The following KRT23 variants were observed in gnomAD, a reference collection of about 807,000 sequenced individuals.
KRT23 encodes keratin 23.
In KRT23, 38 loss-of-function variants were observed where a neutral mutation model predicts 47.6. The observed-to-expected ratio is 0.80, with a 90% CI of 0.62 to 1.05. The LOEUF is 1.05. Ranked by LOEUF, KRT23 falls within the 50% of genes least tolerant of loss-of-function variation. The pLI is 0.00. For missense variants in KRT23, 503 were observed against 529.5 expected (o/e 0.95, Z 0.49); for synonymous variants, 191 against 199.0 (o/e 0.96, Z 0.34).
intron 2 of KRT23, among the ~76,000 whole-genome samples, chr17:40,934,971 A>G (rs1439633775): frequency 1.3e-5 from 2 of 151,986 alleles, no homozygotes; most frequent in Admixed American, 6.6e-5. Context: ...AAATTATTTG[A>G]CTGGTTCTAA....
At chr17:40,930,470 T>G (rs1476698442) in intron 3 of KRT23, among the ~76,000 whole-genome samples, 2 of 152,112 alleles carry the variant, frequency 1.3e-5, no homozygotes, top group African/African-American at 2.4e-5. Flanking sequence ...GAAAAATATA[T>G]TTTAAAATAA....
In KRT23 at chr17:40,925,478, G is replaced by C. The variant is rs148318927; in HGVS notation, c.1018C>G (p.Leu340Val). The change falls in exon 7 of 9, where the codon CTG (leucine) becomes GTG (valine). Residue 340 changes from leucine (L) to valine (V), a missense_variant. Transcript: ENST00000209718. ...QEIISHYEEE[L>V]TQLRHELERQ... Reference sequence around the variant, plus strand: ...TCCAGTTCATGGCGTAGCTGCGTCAGTTCCTCCTCATAGTGGGAGATGATC... The same window carrying C: ...TCCAGTTCATGGCGTAGCTGCGTCACTTCCTCCTCATAGTGGGAGATGATC... 58 of 1,614,064 alleles carry C rather than the reference G, an allele frequency of 3.6e-5. No homozygotes were observed. The highest frequency in any genetic ancestry group is 3.3e-4 in the Admixed American group (20 of 59,998).
At chr17:40,927,024 C>T (rs1485649796) in intron 6 of KRT23, among the ~76,000 whole-genome samples, 1 of 152,146 alleles carries the variant, frequency 6.6e-6, no homozygotes, top group Non-Finnish European at 1.5e-5. Flanking sequence ...GTTCCCTCCT[C>T]TTGGAACACA....
At chr17:40,928,884 G>A (rs2143465428) in intron 4 of KRT23, among the ~76,000 whole-genome samples, 1 of 152,062 alleles carries the variant, frequency 6.6e-6, no homozygotes, top group Admixed American at 6.5e-5. Flanking sequence ...AAAATTAACT[G>A]GGTGTGGTTG....
rs755236339 is a variant in KRT23, at chr17:40,936,488, C to T, written c.116G>A (p.Gly39Glu). 2 of 1,564,744 alleles carry T rather than the reference C, an allele frequency of 1.3e-6. No homozygotes were observed. Among genetic ancestry groups the T allele is most frequent in the Admixed American group, 1.8e-5 (1 of 54,142 alleles). Reference sequence around the variant, plus strand: ...GAAGGACAGGGAGATGCGGGCTCCCCCCGCACCGCCATGGACGGTGGGAGC... The same window carrying T: ...GAAGGACAGGGAGATGCGGGCTCCCTCCGCACCGCCATGGACGGTGGGAGC... ...PRAPTVHGGAGGARISLSFTT... is the reference protein window; with the variant it reads ...PRAPTVHGGAEGARISLSFTT... Residue 39 changes from glycine (G) to glutamate (E), a missense_variant, in exon 2 of 9, where the codon GGG becomes GAG. Transcript: ENST00000209718.
chr17:40,928,954 G>A (rs1434614899), intron 4 of KRT23, among the ~76,000 whole-genome samples: 1 of 149,362 alleles, frequency 6.7e-6, no homozygotes, highest in South Asian at 2.1e-4. Flanking sequence ...TTGAACCTGC[G>A]AGGTGGAGGC....
At chr17:40,924,420 C>G in intron 8 of KRT23, 52 bp downstream of exon 8, 3 of 1,445,338 alleles carry the variant, frequency 2.1e-6, no homozygotes, top group South Asian at 1.2e-5. Flanking sequence ...AAATGGATAA[C>G]CATGCTAATT....
chr17:40,934,960 T>C (rs1909952329), intron 2 of KRT23, among the ~76,000 whole-genome samples: 1 of 152,194 alleles, frequency 6.6e-6, no homozygotes, highest in Non-Finnish European at 1.5e-5. Context: ...CGCGAGCTCA[T>C]AAATTATTTG....
intron 2 of KRT23, 107 bp from the exon 3 acceptor site, chr17:40,931,562 C>T (rs1205846582): frequency 1.3e-6 from 1 of 761,346 alleles, no homozygotes; most frequent in Admixed American, 2.1e-5. Flanking sequence ...CTTGTTAGTA[C>T]AGACAACTTC....
chr17:40,925,732 G>A (rs919354451), intron 6 of KRT23, among the ~76,000 whole-genome samples, 158 bp from the exon 7 acceptor site: 1 of 152,202 alleles, frequency 6.6e-6, no homozygotes, highest in African/African-American at 2.4e-5. Context: ...ACAGGTTTGG[G>A]ACTTGGGCAG....
At position 40,936,570 on chromosome 17, in the gene KRT23, AG is replaced by A; in HGVS notation, c.33del (p.Ser12ArgfsTer57). MNSGHSFSQTPSASFHGAGGG... is the reference protein window; with the variant it reads MNSGHSFSQTXSASFHGAGGG... ...CCTCCGGCGCCATGGAAGGAGGCCG[AG>A]GGGGTCTGGCTGAAGCTGTGTCCGG... On this transcript the variant is annotated frameshift_variant, in exon 2 of 9. Coordinates refer to ENST00000209718, the MANE Select transcript of KRT23 (RefSeq NM_015515.5). LOFTEE classifies it high-confidence loss of function. 1 of 1,519,604 alleles carries A rather than the reference AG, an allele frequency of 6.6e-7. No homozygotes were observed. The highest frequency in any genetic ancestry group is 8.8e-7 in the Non-Finnish European group (1 of 1,136,988). The allele number at this position is 1,519,604 out of a possible 1,614,324, so 94.1% of individuals were successfully genotyped here.
At position 40,924,473 on chromosome 17, in the gene KRT23, T is replaced by C. The variant is rs1195563893; in HGVS notation, c.1173A>G (p.Lys391=). ...GTREESKSSM[K]VSATPKIKAI... ...CAAACAATGAAGGAAATTTTTTACC[T>C]TTCATGCTCGACTTTGATTCTTCCC... Residue 391 remains lysine (K), a splice_region_variant and synonymous_variant, in exon 8 of 9, where the codon AAA becomes AAG. Coordinates refer to ENST00000209718, the MANE Select transcript of KRT23 (RefSeq NM_015515.5). 6.2e-7 allele frequency: 1 copy of C among 1,612,766 alleles called. No individual in the cohort carries two copies. The highest frequency in any genetic ancestry group is 1.3e-5 in the African/African-American group (1 of 74,910).
Position 40,928,458 on chromosome 17 carries a change from C to T in KRT23, c.786G>A (p.Trp262Ter). The T allele has an allele frequency of 6.2e-7, 1 of 1,614,112 alleles. No individual in the cohort carries two copies. Among genetic ancestry groups the T allele is most frequent in the Non-Finnish European group, 8.5e-7 (1 of 1,180,016 alleles). The change falls in exon 5 of 9, where the codon TGG becomes TGA. Residue 262 changes from tryptophan to a stop codon, truncating the protein, a stop_gained. Coordinates refer to ENST00000209718, the MANE Select transcript of KRT23 (RefSeq NM_015515.5). LOFTEE classifies it high-confidence loss of function. ...IKKKHRDLDT[W>*]YKEQSAAMSQ... is the part of the protein sequence containing the mutation. ...ATCTTTCTTTTACCTGTTCTTTATA[C>T]CAAGTGTCCAAGTCTCGATGCTTCT...
rs780434610 is a variant in KRT23 at position 40,928,389 on chromosome 17, A to G, written c.799-29T>C. On this transcript the variant is annotated intron_variant, in intron 5 of 8. Coordinates refer to ENST00000209718, the MANE Select transcript of KRT23 (RefSeq NM_015515.5). ...TGGGACCAAGCAAGGCAAAGGCGTC[A>G]GCATTGGGACCTCATGGAAATGCAA... The G allele has an allele frequency of 1.9e-6, 3 of 1,614,202 alleles. No homozygotes were observed. The Admixed American group carries it at 5.0e-5, about 27-fold the overall frequency.
At chr17:40,934,683 C>T (rs1191843672) in intron 2 of KRT23, among the ~76,000 whole-genome samples, 1 of 152,228 alleles carries the variant, frequency 6.6e-6, no homozygotes, top group African/African-American at 2.4e-5. Context: ...ATTTATGAGG[C>T]TACTGGAAAC....
In KRT23 at chr17:40,936,303, C is replaced by G; in HGVS notation, c.301G>C (p.Glu101Gln). The change falls in exon 2 of 9, where the codon GAA (glutamate) becomes CAA (glutamine). Residue 101 changes from glutamate to glutamine, a missense_variant. Physicochemically the swap from Glu to Gln is conservative, Grantham distance 29. Transcript: ENST00000209718. Reference sequence around the variant, plus strand: ...TGGTGCCATTTCAGGATGCGGCTTTCCAGCTTCATGTTGGCCTCCTCCAGG... The same window carrying G: ...TGGTGCCATTTCAGGATGCGGCTTTGCAGCTTCATGTTGGCCTCCTCCAGG... ...RALEEANMKLESRILKWHQQR... is the reference protein window; with the variant it reads ...RALEEANMKLQSRILKWHQQR... The G allele has an allele frequency of 6.2e-7, 1 of 1,614,212 alleles. No homozygotes were observed. Among genetic ancestry groups the G allele is most frequent in the South Asian group, 1.1e-5 (1 of 91,090 alleles).
chr17:40,924,562 C>A, intron 7 of KRT23, 59 bp from the exon 8 acceptor site: 1 of 1,370,900 alleles, frequency 7.3e-7, no homozygotes, highest in Non-Finnish European at 1.0e-6. Flanking sequence ...ATAACAACTT[C>A]TCAGGATGAA....
At chr17:40,928,785 T>A (rs1909416329) in intron 4 of KRT23, 178 bp from the exon 5 acceptor site, 1 of 554,370 alleles carries the variant, frequency 1.8e-6, no homozygotes, top group South Asian at 2.8e-5. Flanking sequence ...CATTGTATAC[T>A]TTTTTCTCTA....
At chr17:40,932,726 G>A (rs1474347347) in intron 2 of KRT23, among the ~76,000 whole-genome samples, 1 of 152,112 alleles carries the variant, frequency 6.6e-6, no homozygotes, top group Non-Finnish European at 1.5e-5. Context: ...ATTTTCTTAG[G>A]ACAAAGCTAT....
Sources: allele counts gnomAD v4.1 joint callset (sites outside exome capture counted in the v4.1 genomes callset), GRCh38; gene constraint gnomAD v4.1.1; transcripts MANE v1.5; gene names NCBI Gene and HGNC (gene_info 2026-07-23, HGNC 2026-07-21).